FAM193A: variants seen among roughly 807,000 people sequenced by gnomAD.
FAM193A encodes protein FAM193A.
In FAM193A, 22 loss-of-function variants were observed where a neutral mutation model predicts 126.5. The observed-to-expected ratio is 0.17, with a 90% CI of 0.12 to 0.25. FAM193A has a LOEUF of 0.25. Ranked by LOEUF, FAM193A falls within the 10% of genes least tolerant of loss-of-function variation. The probability of loss-of-function intolerance (pLI) is 1.00; values close to 1 mark genes in which losing one functional copy is unlikely to be tolerated. For synonymous variants in FAM193A, 761 were observed against 646.8 expected (o/e 1.18, Z -2.68); for missense variants, 1,675 against 1,672.8 (o/e 1.00, Z -0.02).
At chr4:2,609,677 C>T (rs1400046362) in intron 2 of FAM193A, among the ~76,000 whole-genome samples, 1 of 152,174 alleles carries the variant, frequency 6.6e-6, no homozygotes, top group African/African-American at 2.4e-5. Context: ...CGCCTGTAAT[C>T]CCGGCACTTT....
chr4:2,633,841 C>T (rs1470336414), intron 5 of FAM193A, among the ~76,000 whole-genome samples: 2 of 152,022 alleles, frequency 1.3e-5, no homozygotes, highest in South Asian at 2.1e-4. Flanking sequence ...TGCAGTGAGC[C>T]GAGATGGGGC....
At chr4:2,535,808 G>A (rs1560424245), upstream of FAM193A, among the ~76,000 whole-genome samples, 1 of 152,200 alleles carries the variant, frequency 6.6e-6, no homozygotes, top group Non-Finnish European at 1.5e-5. Flanking sequence ...GGGCTTAACG[G>A]GATAGCAGGG....
Position 2,732,005 on chromosome 4 carries a change from A to G in FAM193A, c.*137A>G. The G allele has an allele frequency of 2.8e-6, 2 of 722,758 alleles. No homozygotes were observed. Among genetic ancestry groups the G allele is most frequent in the South Asian group, 1.5e-5 (1 of 65,142 alleles). The allele number at this position is 722,758 out of a possible 1,614,324, so 44.8% of individuals were successfully genotyped here. ...GAGCTGGTGCTGCCTGAAACCCCAGACCGAGAAGTTGATGCTCGGCCCACG... is the reference window on the plus strand; with the variant it reads ...GAGCTGGTGCTGCCTGAAACCCCAGGCCGAGAAGTTGATGCTCGGCCCACG... On this transcript the variant is annotated 3_prime_UTR_variant, in exon 21 of 21. Coordinates refer to ENST00000637812, the MANE Select transcript of FAM193A (RefSeq NM_001366318.2).
chr4:2,541,087 A>G (rs1034955413), intron 1 of FAM193A, among the ~76,000 whole-genome samples: 22 of 152,020 alleles, frequency 1.4e-4, no homozygotes, highest in African/African-American at 1.7e-4. Context: ...CCTGAGAAAC[A>G]TGGAGAAACC....
chr4:2,574,306 C>T (rs1409772633), intron 1 of FAM193A, among the ~76,000 whole-genome samples: 2 of 151,974 alleles, frequency 1.3e-5, no homozygotes, highest in African/African-American at 2.4e-5. Flanking sequence ...CTGAGAGGGC[C>T]GGCCTGTCTC....
chr4:2,608,319 C>A (rs1741663689), intron 2 of FAM193A, among the ~76,000 whole-genome samples: 1 of 152,166 alleles, frequency 6.6e-6, no homozygotes, highest in Non-Finnish European at 1.5e-5. Flanking sequence ...GCTGGGACTA[C>A]AGGTGCGCAC....
intron 19 of FAM193A, among the ~76,000 whole-genome samples, chr4:2,711,016 TA>T (rs1718902907): frequency 6.6e-6 from 1 of 150,888 alleles, no homozygotes; most frequent in East Asian, 2.0e-4. Flanking sequence ...CTCGCCCGGC[TA>T]ATTTTTTGTA....
Position 2,684,562 on chromosome 4 carries a change from TTA to T in FAM193A, c.2332-4942_2332-4941del, listed in dbSNP as rs200319427. On this transcript the variant is annotated intron_variant, in intron 13 of 20. Transcript: ENST00000637812. Reference sequence around the variant, plus strand: ...TTTGCGGATGGAGTATATTAGGAGGTTATGTTTTGCTCAGCTTACTCTGTGAG... The same window carrying T: ...TTTGCGGATGGAGTATATTAGGAGGTTGTTTTGCTCAGCTTACTCTGTGAG... Among the ~76,000 whole-genome samples, 629 of 152,184 alleles carry T rather than the reference TTA, an allele frequency of 4.1e-3. 3 individuals are homozygous for T. Among genetic ancestry groups the T allele is most frequent in the African/African-American group, 0.013 (521 of 41,504 alleles).
At chr4:2,677,830 A>G (rs1462355766) in intron 13 of FAM193A, among the ~76,000 whole-genome samples, 1 of 152,206 alleles carries the variant, frequency 6.6e-6, no homozygotes, top group South Asian at 2.1e-4. Flanking sequence ...TTTCTTCAAA[A>G]TACATCATTG....
chr4:2,681,237 C>G (rs1402338204), intron 13 of FAM193A, among the ~76,000 whole-genome samples: 3 of 151,692 alleles, frequency 2.0e-5, no homozygotes, highest in African/African-American at 7.3e-5. Context: ...TTTTCTTACT[C>G]CATCTCACTA....
At chr4:2,731,716 G>C in intron 20 of FAM193A, 59 bp from the exon 21 acceptor site, 1 of 1,345,912 alleles carries the variant, frequency 7.4e-7, no homozygotes, top group Non-Finnish European at 1.1e-6. Context: ...GCTTTGCCAA[G>C]CACCAGCTTG....
rs60538223 is a variant in FAM193A at position 2,701,284 on chromosome 4, C to CAA, written c.4372+756_4372+757dup. On this transcript the variant is annotated intron_variant, in intron 19 of 20. Transcript: ENST00000637812. Reference sequence around the variant, plus strand: ...ATTGTCCTTTTAACATCCTTTATAGCAAAAAAAAAAAAAAAAAGCTCTTGT... The same window carrying CAA: ...ATTGTCCTTTTAACATCCTTTATAGCAAAAAAAAAAAAAAAAAAAGCTCTTGT... 3.9e-3 allele frequency among the ~76,000 whole-genome samples: 374 copies of CAA among 96,022 alleles called. 1 individual carries two copies. The highest frequency in any genetic ancestry group is 0.026 in the East Asian group (89 of 3,400). 63.0% of individuals were successfully genotyped at this position (96,022 alleles called of 152,430 possible).
chr4:2,637,978 A>T (rs868032286), intron 5 of FAM193A, among the ~76,000 whole-genome samples: 1 of 152,208 alleles, frequency 6.6e-6, no homozygotes. Flanking sequence ...AAAAATGCCA[A>T]ATATCTTCAT....
intron 19 of FAM193A, among the ~76,000 whole-genome samples, chr4:2,713,932 A>T (rs574354798): frequency 3.9e-5 from 6 of 152,180 alleles, no homozygotes; most frequent in African/African-American, 7.2e-5. Flanking sequence ...TTGTAAAAAA[A>T]TTTTTTCCTG....
At chr4:2,550,643 T>A (rs1005417144) in intron 1 of FAM193A, among the ~76,000 whole-genome samples, 6 of 149,410 alleles carry the variant, frequency 4.0e-5, no homozygotes, top group Non-Finnish European at 3.0e-5. Flanking sequence ...TCCATGTTGG[T>A]CAGGCTGGTC....
chr4:2,585,920 C>G (rs1433063403), intron 1 of FAM193A, among the ~76,000 whole-genome samples: 2 of 151,962 alleles, frequency 1.3e-5, no homozygotes, highest in Non-Finnish European at 2.9e-5. Context: ...CAGAGTGAGA[C>G]TGCATCTCAA....
At chr4:2,669,693 G>A (rs902891364) in intron 12 of FAM193A, among the ~76,000 whole-genome samples, 3 of 152,204 alleles carry the variant, frequency 2.0e-5, no homozygotes, top group Non-Finnish European at 2.9e-5. Flanking sequence ...GAGCTACAGA[G>A]ACACCCTATA....
intron 12 of FAM193A, among the ~76,000 whole-genome samples, chr4:2,668,234 TAC>T: frequency 6.8e-6 from 1 of 147,034 alleles, no homozygotes; most frequent in Non-Finnish European, 1.5e-5. Context: ...TTTTTTTTGA[TAC>T]AGAGTCTCGC....
chr4:2,566,087 G>C (rs923548394), intron 1 of FAM193A, among the ~76,000 whole-genome samples: 6 of 149,336 alleles, frequency 4.0e-5, no homozygotes, highest in Non-Finnish European at 8.9e-5. Flanking sequence ...TCGCTCTGTC[G>C]CCCAGACTGG....
Sources: gnomAD v4.1 joint callset for allele counts (sites outside exome capture counted in the v4.1 genomes callset) on GRCh38, gnomAD v4.1.1 for gene constraint, MANE v1.5 for transcripts, NCBI Gene and HGNC (gene_info 2026-07-23, HGNC 2026-07-21) for gene names.